The following LRP1B variants were observed in gnomAD, a reference collection of about 807,000 sequenced individuals.
The protein encoded by LRP1B is low-density lipoprotein receptor-related protein 1B.
LRP1B carries 217 observed loss-of-function variants against 556.6 expected under a neutral mutation model. That is an observed-to-expected ratio of 0.39 (90% confidence interval 0.35 to 0.44). The LOEUF is 0.44. LRP1B is among the 20% of genes least tolerant of loss of function. The probability of loss-of-function intolerance (pLI) is 1.00; values close to 1 mark genes in which losing one functional copy is unlikely to be tolerated. For missense variants in LRP1B, 5,053 were observed against 5,620.8 expected, an observed-to-expected ratio of 0.90 and a Z score of 3.23; for synonymous variants, 2,047 against 1,865.8, an observed-to-expected ratio of 1.10 and a Z score of -2.50.
At chr2:141,032,398 A>C (rs1265745212) in intron 11 of LRP1B, among the ~76,000 whole-genome samples, 2 of 152,090 alleles carry the variant, frequency 1.3e-5, no homozygotes, top group Non-Finnish European at 2.9e-5. Context: ...GTACCATTTA[A>C]ATTGACAGCT....
intron 7 of LRP1B, among the ~76,000 whole-genome samples, chr2:141,149,762 C>T (rs1701875187): frequency 6.6e-6 from 1 of 152,156 alleles, no homozygotes. Flanking sequence ...AGGTTCGCAG[C>T]AGGCCTGCAA....
At position 141,000,028 on chromosome 2, in the gene LRP1B, ACT is replaced by A. The variant is rs536003595; in HGVS notation, c.2503+5305_2503+5306del. On this transcript the variant is annotated intron_variant, in intron 15 of 90. Transcript: ENST00000389484. ...CCTCCTAGGCTCAAGAGAGCCCCTGACTCATCCTCCTGAGTACTTGGGTCTAC... is the reference window on the plus strand; with the variant it reads ...CCTCCTAGGCTCAAGAGAGCCCCTGACATCCTCCTGAGTACTTGGGTCTAC... Among the ~76,000 whole-genome samples, 18 of 151,702 alleles carry A rather than the reference ACT, an allele frequency of 1.2e-4. No homozygotes were observed. In the South Asian group the frequency reaches 3.5e-3, roughly 30 times the overall value.
At chr2:140,870,431 A>G (rs925432925) in intron 25 of LRP1B, among the ~76,000 whole-genome samples, 3 of 152,168 alleles carry the variant, frequency 2.0e-5, no homozygotes, top group Admixed American at 6.6e-5. Flanking sequence ...AAGAGGGTAT[A>G]TAAGCCTCAA....
At chr2:142,060,703 A>C (rs1293035162) in intron 1 of LRP1B, among the ~76,000 whole-genome samples, 1 of 152,066 alleles carries the variant, frequency 6.6e-6, no homozygotes, top group Non-Finnish European at 1.5e-5. Flanking sequence ...CTATGTTTTA[A>C]GAGAATACAT....
chr2:141,148,478 A>G (rs34487055), intron 7 of LRP1B, among the ~76,000 whole-genome samples: 12,295 of 152,158 alleles, frequency 0.081, 787 homozygotes, highest in African/African-American at 0.18. Flanking sequence ...GAGAGAATAT[A>G]TACTGTTTCT....
chr2:141,504,955 T>C (rs1574022530), intron 2 of LRP1B, among the ~76,000 whole-genome samples: 1 of 152,136 alleles, frequency 6.6e-6, no homozygotes, highest in East Asian at 1.9e-4. Flanking sequence ...ATTTGAAAGA[T>C]AGGACATTTC....
chr2:140,836,278 T>A (rs114124899), intron 31 of LRP1B, among the ~76,000 whole-genome samples: 2,243 of 152,316 alleles, frequency 0.015, 68 homozygotes, highest in East Asian at 0.093. Flanking sequence ...TGTATAGATA[T>A]GCAACTGTGC....
intron 3 of LRP1B, among the ~76,000 whole-genome samples, chr2:141,376,383 T>A (rs1689437073): frequency 6.6e-6 from 1 of 152,224 alleles, no homozygotes; most frequent in Non-Finnish European, 1.5e-5. Context: ...CGCCTGACTG[T>A]CAGCCAGTCT....
chr2:140,904,957 G>T (rs1418595729), intron 22 of LRP1B, among the ~76,000 whole-genome samples: 1 of 152,062 alleles, frequency 6.6e-6, no homozygotes, highest in African/African-American at 2.4e-5. Flanking sequence ...CAGATTTTAG[G>T]TTAAATGAAA....
intron 3 of LRP1B, among the ~76,000 whole-genome samples, chr2:141,406,524 A>G (rs538292735): frequency 6.6e-6 from 1 of 151,486 alleles, no homozygotes; most frequent in African/African-American, 2.4e-5. Flanking sequence ...AATTCCAAAT[A>G]CAGGTGTAGA....
intron 35 of LRP1B, among the ~76,000 whole-genome samples, chr2:140,766,843 ATTATATATATATATATATATAT>A (rs1559106377): frequency 1.8e-4 from 17 of 95,716 alleles, no homozygotes; most frequent in Admixed American, 3.2e-4. Context: ...ATATATATAT[ATTATATATATATATATATATAT>A]AATATATATA....
chr2:141,544,349 CT>C (rs1240838840), intron 2 of LRP1B, among the ~76,000 whole-genome samples: 5 of 85,872 alleles, frequency 5.8e-5, no homozygotes, highest in African/African-American at 1.6e-4. Context: ...TCTTCTTCTT[CT>C]TCTTCTTCTT....
chr2:140,307,747 G>T (rs1470301237), intron 83 of LRP1B, among the ~76,000 whole-genome samples: 2 of 151,630 alleles, frequency 1.3e-5, no homozygotes, highest in East Asian at 3.9e-4. Flanking sequence ...TCTTTGATAT[G>T]GGCAGATAGT....
chr2:140,321,105 GATTTTCTTTTAGTAACAAT>G (rs1047796987), intron 82 of LRP1B, among the ~76,000 whole-genome samples: 31 of 151,966 alleles, frequency 2.0e-4, no homozygotes, highest in African/African-American at 7.2e-4. Context: ...ATTATGTGTG[GATTTTCTTTTAGTAACAAT>G]ATTTTCCCCA....
intron 43 of LRP1B, among the ~76,000 whole-genome samples, chr2:140,580,694 A>G (rs1035650303): frequency 3.3e-5 from 5 of 151,906 alleles, no homozygotes; most frequent in Non-Finnish European, 5.9e-5. Flanking sequence ...ATGAAAAAGA[A>G]AAACTACAGA....
chr2:141,237,620 A>G (rs300369), intron 5 of LRP1B, among the ~76,000 whole-genome samples: 61,414 of 152,014 alleles, frequency 0.4, 12,715 homozygotes, highest in African/African-American at 0.51. Flanking sequence ...TTTAGACTTT[A>G]CTAGTGAAAT....
At chr2:141,588,824 T>C (rs1687228359) in intron 2 of LRP1B, among the ~76,000 whole-genome samples, 1 of 152,214 alleles carries the variant, frequency 6.6e-6, no homozygotes, top group Non-Finnish European at 1.5e-5. Context: ...AGTAATTATG[T>C]GGTTATTTTT....
intron 51 of LRP1B, among the ~76,000 whole-genome samples, chr2:140,514,390 T>G (rs4439899): frequency 0.73 from 110,325 of 151,590 alleles, 40,683 homozygotes; most frequent in Middle Eastern, 0.85. Flanking sequence ...CTTCAAAGAA[T>G]TCACCGAAAG....
rs760507481 is a variant in LRP1B, at chr2:140,358,925, G to A, written c.11153C>T (p.Thr3718Met). The stretch of plus-strand genomic sequence containing the variant: ...GTTATTTCTGCATCTGTGAGGTCTC[G>A]TGGATGGACAAAGAAATTTGACTGA... ...DMCVKFLCPS[T>M]RPHRCRNNRI... is the part of the protein sequence containing the mutation. Residue 3718 changes from threonine (T) to methionine (M), a missense_variant, in exon 73 of 91, where the codon ACG becomes ATG. By Grantham distance (81) the Thr-to-Met change is moderately conservative (BLOSUM62 -1). This residue lies in a region of LRP1B where 599 missense variants were observed against 648.4 expected (regional missense o/e 0.92). Coordinates refer to ENST00000389484, the MANE Select transcript of LRP1B (RefSeq NM_018557.3). The A allele has an allele frequency of 2.6e-5, 42 of 1,607,632 alleles. No homozygotes were observed. In the Middle Eastern group the frequency reaches 6.6e-4, roughly 25 times the overall value.
Sources: allele counts gnomAD v4.1 joint callset (sites outside exome capture counted in the v4.1 genomes callset), GRCh38; gene constraint gnomAD v4.1.1; regional missense constraint gnomAD v4.1.1; transcripts MANE v1.5; gene names NCBI Gene and HGNC (gene_info 2026-07-23, HGNC 2026-07-21).